The following DNM3 variants were observed in gnomAD, a reference collection of about 807,000 sequenced individuals.
DNM3 encodes dynamin 3.
DNM3 carries 47 observed loss-of-function variants against 101.6 expected under a neutral mutation model. That is an observed-to-expected ratio of 0.46 (90% CI 0.37 to 0.59). The LOEUF is 0.59. DNM3 is among the 20% of genes least tolerant of loss of function. The pLI, the probability that DNM3 is intolerant of heterozygous loss-of-function variation, is 0.00. For missense variants in DNM3, 849 were observed against 1,085.7 expected, an observed-to-expected ratio of 0.78 and a Z score of 3.06; for synonymous variants, 385 against 387.9, an observed-to-expected ratio of 0.99 and a Z score of 0.09.
intron 1 of DNM3, among the ~76,000 whole-genome samples, chr1:171,857,830 A>G (rs1397587975): frequency 6.6e-6 from 1 of 152,116 alleles, no homozygotes; most frequent in African/African-American, 2.4e-5. Context: ...GCCAATTAGG[A>G]GGTAATTAAG....
In DNM3 at chr1:171,902,848, G is replaced by A. The variant is rs567133902; in HGVS notation, c.162-18900G>A. 2.2e-3 allele frequency among the ~76,000 whole-genome samples: 338 copies of A among 152,218 alleles called. 1 individual carries two copies. The highest frequency in any genetic ancestry group is 4.0e-3 in the Non-Finnish European group (272 of 67,998). ...GTGCTATGAGTGAAAAATTTCTATA[G>A]CATCTATGTTAAAAAATGCTTGTTA... is the stretch of plus-strand genomic sequence containing the variant. On this transcript the variant is annotated intron_variant, in intron 1 of 20. Coordinates refer to ENST00000627582, the MANE Select transcript of DNM3 (RefSeq NM_015569.5).
intron 13 of DNM3, among the ~76,000 whole-genome samples, chr1:172,113,470 A>C (rs1389428651): frequency 6.6e-6 from 1 of 152,026 alleles, no homozygotes; most frequent in Non-Finnish European, 1.5e-5. Flanking sequence ...ATACAAAAAA[A>C]TTAGTCGGGC....
chr1:172,384,735 T>C (rs543180697), intron 18 of DNM3, among the ~76,000 whole-genome samples: 9 of 152,234 alleles, frequency 5.9e-5, no homozygotes, highest in Non-Finnish European at 1.2e-4. Context: ...GAATCTTCTT[T>C]TAAATTGTAT....
intron 2 of DNM3, among the ~76,000 whole-genome samples, chr1:171,950,240 A>T (rs1033387867): frequency 6.6e-6 from 1 of 152,200 alleles, no homozygotes; most frequent in Non-Finnish European, 1.5e-5. Flanking sequence ...GATTCTGCAG[A>T]TGGTCTCCAA....
At chr1:172,338,194 C>A (rs1425985572) in intron 17 of DNM3, among the ~76,000 whole-genome samples, 1 of 152,058 alleles carries the variant, frequency 6.6e-6, no homozygotes, top group Admixed American at 6.5e-5. Context: ...GGATTACAGG[C>A]GTGAGCCACT....
At chr1:172,354,304 GA>G (rs1187333319) in intron 17 of DNM3, among the ~76,000 whole-genome samples, 1 of 152,076 alleles carries the variant, frequency 6.6e-6, no homozygotes, top group Non-Finnish European at 1.5e-5. Context: ...GGGAGAAAAG[GA>G]AAAAATTCTC....
At position 172,412,488 on chromosome 1, in the gene DNM3, A is replaced by G; in HGVS notation, c.*4647A>G. The G allele has an allele frequency of 1.0e-6, 1 of 985,816 alleles. No homozygotes were observed. Among genetic ancestry groups the G allele is most frequent in the Non-Finnish European group, 1.2e-6 (1 of 829,912 alleles). 61.1% of individuals were successfully genotyped at this position (985,816 alleles called of 1,614,324 possible). A position where few individuals can be genotyped will look rare whatever the true frequency, so the allele number is the denominator to read the frequency against. ...TGCTTTGTTTGAAGAAGGAATATAC[A>G]GAAGTAAAATCTTGTCTTCTCTGCT... On this transcript the variant is annotated 3_prime_UTR_variant, in exon 21 of 21. Transcript: ENST00000627582.
intron 20 of DNM3, among the ~76,000 whole-genome samples, chr1:172,389,547 A>G (rs942729620): frequency 2.0e-5 from 3 of 152,228 alleles, no homozygotes; most frequent in Non-Finnish European, 4.4e-5. Context: ...CAAAATATAC[A>G]CAATGAATAG....
chr1:172,043,925 C>A (rs2049580451), intron 8 of DNM3, among the ~76,000 whole-genome samples: 1 of 152,184 alleles, frequency 6.6e-6, no homozygotes, highest in Admixed American at 6.5e-5. Flanking sequence ...TACTAATTTT[C>A]TTTTACAAAG....
intron 10 of DNM3, among the ~76,000 whole-genome samples, chr1:172,066,008 T>A (rs1053437077): frequency 2.6e-5 from 4 of 152,160 alleles, no homozygotes; most frequent in African/African-American, 9.6e-5. Context: ...ATATATGTTG[T>A]GCATGCTATA....
intron 4 of DNM3, among the ~76,000 whole-genome samples, chr1:171,992,097 T>G (rs1462591123): frequency 6.6e-6 from 1 of 152,212 alleles, no homozygotes; most frequent in Non-Finnish European, 1.5e-5. Context: ...GTGTGTATTA[T>G]GAATTTTATA....
intron 11 of DNM3, among the ~76,000 whole-genome samples, chr1:172,074,644 A>G (rs1453218338): frequency 6.6e-6 from 1 of 152,092 alleles, no homozygotes; most frequent in Non-Finnish European, 1.5e-5. Flanking sequence ...AAGGACATGA[A>G]CTCATCCTTT....
intron 15 of DNM3, among the ~76,000 whole-genome samples, chr1:172,283,802 C>CAAAAAAA (rs2063592121): frequency 7.5e-6 from 1 of 133,170 alleles, no homozygotes; most frequent in African/African-American, 2.8e-5. Flanking sequence ...GAAAGAAAAC[C>CAAAAAAA]AAGTCAATGT....
intron 1 of DNM3, among the ~76,000 whole-genome samples, chr1:171,870,163 T>A (rs1290141152): frequency 2.0e-5 from 3 of 152,240 alleles, no homozygotes; most frequent in Non-Finnish European, 4.4e-5. Context: ...TATTACATTT[T>A]CCATTATTCT....
chr1:172,352,102 C>A (rs2067226726), intron 17 of DNM3, among the ~76,000 whole-genome samples: 1 of 152,196 alleles, frequency 6.6e-6, no homozygotes. Context: ...TAATACTGGA[C>A]TTCATTCCAC....
chr1:171,967,259 A>C (rs757717478), intron 2 of DNM3, among the ~76,000 whole-genome samples: 1 of 152,138 alleles, frequency 6.6e-6, no homozygotes, highest in Non-Finnish European at 1.5e-5. Context: ...TTTCATGAAG[A>C]TGTGACTTGG....
intron 17 of DNM3, among the ~76,000 whole-genome samples, chr1:172,367,345 A>G (rs942459080): frequency 6.6e-6 from 1 of 151,964 alleles, no homozygotes; most frequent in Admixed American, 6.6e-5. Flanking sequence ...GCATTACAAA[A>G]ATTATTAAAG....
At chr1:172,378,687 T>C (rs2068738498) in intron 17 of DNM3, among the ~76,000 whole-genome samples, 2 of 152,056 alleles carry the variant, frequency 1.3e-5, no homozygotes, top group African/African-American at 2.4e-5. Flanking sequence ...ATTCAATTCT[T>C]TGGCCAGCTT....
chr1:172,197,511 T>C (rs1342511819), intron 14 of DNM3, among the ~76,000 whole-genome samples: 1 of 152,146 alleles, frequency 6.6e-6, no homozygotes, highest in Non-Finnish European at 1.5e-5. Context: ...TATAACCATT[T>C]TAATGATATC....
Sources: gnomAD v4.1 joint callset for allele counts (sites outside exome capture counted in the v4.1 genomes callset) on GRCh38, gnomAD v4.1.1 for gene constraint, MANE v1.5 for transcripts, NCBI Gene and HGNC (gene_info 2026-07-23, HGNC 2026-07-21) for gene names.